RABEP1: variants seen among roughly 807,000 people sequenced by gnomAD.
RABEP1 encodes the protein rabaptin, RAB GTPase binding effector protein 1, also known as rab GTPase-binding effector protein 1.
In RABEP1, 51 loss-of-function variants were observed where a neutral mutation model predicts 123.4. That is an observed-to-expected ratio of 0.41 (90% CI 0.33 to 0.52). RABEP1 has a LOEUF of 0.52. RABEP1 is among the 20% of genes least tolerant of loss of function. The probability of loss-of-function intolerance (pLI) is 0.16; values close to 1 mark genes in which losing one functional copy is unlikely to be tolerated. For synonymous variants in RABEP1, 347 were observed against 355.2 expected, an observed-to-expected ratio of 0.98 and a Z score of 0.26; for missense variants, 888 against 996.3, an observed-to-expected ratio of 0.89 and a Z score of 1.46.
At chr17:5,326,151 A>G (rs542427663) in intron 2 of RABEP1, among the ~76,000 whole-genome samples, 3 of 152,344 alleles carry the variant, frequency 2.0e-5, no homozygotes, top group African/African-American at 4.8e-5. Context: ...TTGGTATGCA[A>G]TTAAATGACT....
chr17:5,361,832 A>C, intron 9 of RABEP1, 157 bp downstream of exon 9: 1 of 638,618 alleles, frequency 1.6e-6, no homozygotes, highest in Non-Finnish European at 2.7e-6. Context: ...CCCTTGTCAT[A>C]GTCTGCCTTG....
intron 1 of RABEP1, among the ~76,000 whole-genome samples, chr17:5,284,540 A>T (rs1018500733): frequency 6.6e-6 from 1 of 151,728 alleles, no homozygotes; most frequent in African/African-American, 2.4e-5. Flanking sequence ...ATCTTGGCTC[A>T]CTGCAGCCTC....
intron 11 of RABEP1, among the ~76,000 whole-genome samples, chr17:5,366,405 T>C (rs1044147270): frequency 6.6e-6 from 1 of 152,176 alleles, no homozygotes; most frequent in Non-Finnish European, 1.5e-5. Flanking sequence ...TAGAATCTTT[T>C]GGTGATAGGT....
intron 1 of RABEP1, among the ~76,000 whole-genome samples, chr17:5,302,960 A>G (rs1009970571): frequency 2.6e-5 from 4 of 152,190 alleles, no homozygotes; most frequent in Admixed American, 1.3e-4. Flanking sequence ...TTTTATGAGC[A>G]AATAGATTGA....
chr17:5,304,717 A>G (rs2075165510), intron 1 of RABEP1, among the ~76,000 whole-genome samples: 1 of 152,200 alleles, frequency 6.6e-6, no homozygotes, highest in Non-Finnish European at 1.5e-5. Flanking sequence ...AGCCTTCTAA[A>G]TTTCAGAAGG....
rs1351410934 is a variant in RABEP1 at position 5,282,475 on chromosome 17, G to A, written c.-12G>A. ...CCGCCCATCCCCGCTCCCCGAGGCC[G>A]GCCGCCTGGTCATGGCGCAGCCGGG... On this transcript the variant is annotated 5_prime_UTR_variant, in exon 1 of 18. Coordinates refer to ENST00000537505, the MANE Select transcript of RABEP1 (RefSeq NM_004703.6). 3.7e-6 allele frequency: 5 copies of A among 1,341,746 alleles called. No individual in the cohort carries two copies. Among genetic ancestry groups the A allele is most frequent in the African/African-American group, 1.5e-5 (1 of 65,978 alleles). The allele number at this position is 1,341,746 out of a possible 1,614,324, so 83.1% of individuals were successfully genotyped here.
chr17:5,349,620 C>T (rs1186784488), intron 6 of RABEP1, among the ~76,000 whole-genome samples: 1 of 152,120 alleles, frequency 6.6e-6, no homozygotes. Flanking sequence ...ATGTATTAAA[C>T]ACAATTAGGA....
chr17:5,333,614 A>G (rs1222793943), intron 3 of RABEP1, among the ~76,000 whole-genome samples: 2 of 152,178 alleles, frequency 1.3e-5, no homozygotes, highest in African/African-American at 4.8e-5. Flanking sequence ...AGATTACTCT[A>G]GGCTTCATAT....
chr17:5,314,730 T>G (rs1019873943), intron 2 of RABEP1, among the ~76,000 whole-genome samples: 3 of 152,110 alleles, frequency 2.0e-5, no homozygotes, highest in African/African-American at 7.2e-5. Flanking sequence ...GTGTTAGCCA[T>G]GATGGTCTCG....
At chr17:5,367,490 C>T (rs772494912) in intron 11 of RABEP1, among the ~76,000 whole-genome samples, 9 of 151,814 alleles carry the variant, frequency 5.9e-5, no homozygotes, top group Middle Eastern at 3.4e-3. Flanking sequence ...AGGCTGGTCT[C>T]GAACTCCTGA....
Position 5,386,009 on chromosome 17 carries a change from T to A in RABEP1, c.*2786T>A, listed in dbSNP as rs1024013862. On this transcript the variant is annotated 3_prime_UTR_variant, in exon 18 of 18. Coordinates refer to ENST00000537505, the MANE Select transcript of RABEP1 (RefSeq NM_004703.6). ...GTCCTTGCTGAACACAACTGTAGGC[T>A]TGAGTTATAAAGCACATTCCAAATT... The A allele has an allele frequency of 1.9e-6, 1 of 529,808 alleles. No individual in the cohort carries two copies. The highest frequency in any genetic ancestry group is 3.3e-6 in the Non-Finnish European group (1 of 303,662). The allele number at this position is 529,808 out of a possible 1,614,324, so 32.8% of individuals were successfully genotyped here.
intron 2 of RABEP1, among the ~76,000 whole-genome samples, chr17:5,328,671 A>AAAAAG (rs1336027774): frequency 1.6e-3 from 193 of 120,532 alleles, no homozygotes; most frequent in Non-Finnish European, 2.6e-3. Flanking sequence ...AAAAAAAAAA[A>AAAAAG]GCCGGGCGCA....
At chr17:5,285,185 C>T (rs561813980) in intron 1 of RABEP1, among the ~76,000 whole-genome samples, 2 of 151,974 alleles carry the variant, frequency 1.3e-5, no homozygotes, top group African/African-American at 4.8e-5. Flanking sequence ...TTCAGTTGAT[C>T]TGTTTTCCCT....
At chr17:5,285,127 C>G (rs2074965071) in intron 1 of RABEP1, among the ~76,000 whole-genome samples, 1 of 152,012 alleles carries the variant, frequency 6.6e-6, no homozygotes, top group Non-Finnish European at 1.5e-5. Flanking sequence ...GATACTGCAT[C>G]TTAGTTTACT....
chr17:5,381,689 A>C, intron 17 of RABEP1, 184 bp downstream of exon 17: 1 of 1,062,520 alleles, frequency 9.4e-7, no homozygotes, highest in South Asian at 2.6e-5. Flanking sequence ...CACTTGGCCC[A>C]TTTTTCTTTT....
intron 2 of RABEP1, among the ~76,000 whole-genome samples, 153 bp downstream of exon 2, chr17:5,308,975 T>A (rs1257102312): frequency 6.6e-6 from 1 of 152,210 alleles, no homozygotes; most frequent in Non-Finnish European, 1.5e-5. Context: ...AGGTTAAGAA[T>A]GGGATTGAAA....
intron 12 of RABEP1, among the ~76,000 whole-genome samples, chr17:5,370,350 G>A (rs1405697589): frequency 2.0e-5 from 3 of 152,142 alleles, no homozygotes; most frequent in South Asian, 2.1e-4. Flanking sequence ...GTTCTGCATC[G>A]CTACAGTACT....
At chr17:5,284,888 A>T (rs1597319032) in intron 1 of RABEP1, among the ~76,000 whole-genome samples, 1 of 152,156 alleles carries the variant, frequency 6.6e-6, no homozygotes, top group Middle Eastern at 3.4e-3. Flanking sequence ...TTTTGTGTCA[A>T]ACTGGTGGTG....
At chr17:5,319,133 C>T (rs1264788995) in intron 2 of RABEP1, among the ~76,000 whole-genome samples, 7 of 151,882 alleles carry the variant, frequency 4.6e-5, no homozygotes, top group African/African-American at 1.7e-4. Context: ...GGTTCCAGAC[C>T]ATCCTGGCCA....
Sources: allele counts gnomAD v4.1 joint callset (sites outside exome capture counted in the v4.1 genomes callset), GRCh38; gene constraint gnomAD v4.1.1; transcripts MANE v1.5; gene names NCBI Gene and HGNC (gene_info 2026-07-23, HGNC 2026-07-21).